The following SUCO variants were observed in gnomAD, a reference collection of about 807,000 sequenced individuals.
The protein encoded by SUCO is SUN domain-containing ossification factor.
A neutral mutation model predicts 148.1 loss-of-function variants in SUCO; 57 were observed. The ratio of observed to expected loss-of-function variants is 0.38; its 90% CI spans 0.31 to 0.48. The LOEUF (loss-of-function observed/expected upper bound fraction) is 0.48. Among genes scored for constraint, SUCO ranks in the 20% least tolerant of loss-of-function variants. The pLI is 0.96. For missense variants in SUCO, 1,331 were observed against 1,468.2 expected, an observed-to-expected ratio of 0.91 and a Z score of 1.53; for synonymous variants, 470 against 502.7, an observed-to-expected ratio of 0.93 and a Z score of 0.87.
chr1:172,554,824 A>G (rs1455132897), intron 3 of SUCO, among the ~76,000 whole-genome samples: 1 of 151,998 alleles, frequency 6.6e-6, no homozygotes, highest in Non-Finnish European at 1.5e-5. Context: ...ATTTGATAAT[A>G]AGGCAGTAGT....
intron 1 of SUCO, among the ~76,000 whole-genome samples, chr1:172,536,834 C>T (rs916237496): frequency 1.5e-4 from 23 of 152,280 alleles, no homozygotes; most frequent in African/African-American, 4.3e-4. Flanking sequence ...CACATCAGCA[C>T]TCCAACCCTT....
At chr1:172,570,875 A>C in intron 9 of SUCO, 145 bp downstream of exon 9, 1 of 546,150 alleles carries the variant, frequency 1.8e-6, no homozygotes, top group Non-Finnish European at 3.2e-6. Flanking sequence ...ACTGAGGACA[A>C]AATGCCTTCC....
At chr1:172,572,862 T>A (rs1468550137) in intron 9 of SUCO, among the ~76,000 whole-genome samples, 1 of 152,140 alleles carries the variant, frequency 6.6e-6, no homozygotes, top group East Asian at 1.9e-4. Context: ...GGCCATCCAG[T>A]GCTGTGTATA....
At chr1:172,603,950 C>T (rs555056191) in intron 22 of SUCO, among the ~76,000 whole-genome samples, 1 of 152,010 alleles carries the variant, frequency 6.6e-6, no homozygotes, top group East Asian at 1.9e-4. Context: ...TTTTGGTAAA[C>T]ACCTGTGCAT....
chr1:172,556,035 C>CA lies in SUCO; in HGVS notation c.443+18dup. The CA allele has an allele frequency of 1.3e-6, 2 of 1,590,612 alleles. No homozygotes were observed. The highest frequency in any genetic ancestry group is 2.3e-5 in the East Asian group (1 of 44,414). ...ATCTCAAAGCTTGAGTAAGTTGTTA[C>CA]AAAAAACAAACACAAAAAAGAATCT... On this transcript the variant is annotated intron_variant, in intron 4 of 23. Transcript: ENST00000263688.
chr1:172,574,555 T>G (rs1655288363), intron 10 of SUCO, among the ~76,000 whole-genome samples: 1 of 152,068 alleles, frequency 6.6e-6, no homozygotes, highest in African/African-American at 2.4e-5. Context: ...TTTTAATATA[T>G]TTCTTCCAGT....
At chr1:172,568,675 T>A (rs1207566822) in intron 6 of SUCO, among the ~76,000 whole-genome samples, 1 of 152,162 alleles carries the variant, frequency 6.6e-6, no homozygotes, top group Non-Finnish European at 1.5e-5. Context: ...AACTTATATT[T>A]TAAGGTGGAT....
intron 3 of SUCO, chr1:172,555,306 G>A (rs570973444): frequency 9.4e-6 from 7 of 744,882 alleles, no homozygotes; most frequent in South Asian, 6.1e-5. Context: ...GGTTGATCTT[G>A]GAGGAGGAGG....
chr1:172,533,927 C>G (rs1025666008), intron 1 of SUCO, among the ~76,000 whole-genome samples: 1 of 152,108 alleles, frequency 6.6e-6, no homozygotes, highest in East Asian at 1.9e-4. Context: ...GATTTTAAAA[C>G]GTGAGTGGTC....
intron 1 of SUCO, among the ~76,000 whole-genome samples, chr1:172,539,341 A>C (rs879932214): frequency 2.0e-5 from 3 of 152,186 alleles, no homozygotes; most frequent in Non-Finnish European, 4.4e-5. Flanking sequence ...ATTATACTTT[A>C]GTGCCAGTTG....
intron 14 of SUCO, 191 bp downstream of exon 14, chr1:172,578,580 C>T: frequency 1.1e-6 from 1 of 945,222 alleles, no homozygotes; most frequent in Non-Finnish European, 1.3e-6. Context: ...ATTCGTATTG[C>T]TTTCCAAGCT....
At chr1:172,562,745 A>G (rs141194134) in intron 6 of SUCO, among the ~76,000 whole-genome samples, 1 of 152,330 alleles carries the variant, frequency 6.6e-6, no homozygotes, top group Non-Finnish European at 1.5e-5. Flanking sequence ...CCTTGTCACG[A>G]CATAACACAG....
chr1:172,568,323 C>CAAAT, intron 6 of SUCO: 1 of 930,916 alleles, frequency 1.1e-6, no homozygotes, highest in Non-Finnish European at 1.3e-6. Flanking sequence ...ACCCCATCCC[C>CAAAT]TTATTTGATT....
intron 1 of SUCO, among the ~76,000 whole-genome samples, chr1:172,535,021 A>G (rs1294223923): frequency 6.6e-6 from 1 of 152,188 alleles, no homozygotes; most frequent in Non-Finnish European, 1.5e-5. Context: ...TGATTCTTAC[A>G]ATCATTTGTA....
intron 20 of SUCO, 151 bp from the exon 21 acceptor site, chr1:172,601,913 G>C: frequency 1.4e-6 from 1 of 691,074 alleles, no homozygotes; most frequent in Non-Finnish European, 2.1e-6. Context: ...TAATGTCATA[G>C]TTTATTTTCA....
At chr1:172,572,279 A>T (rs1346586066) in intron 9 of SUCO, among the ~76,000 whole-genome samples, 2 of 151,454 alleles carry the variant, frequency 1.3e-5, no homozygotes, top group Non-Finnish European at 2.9e-5. Flanking sequence ...CGGGGAAAGG[A>T]TTGAGAAATC....
intron 17 of SUCO, chr1:172,588,043 T>G: frequency 1.0e-6 from 1 of 972,710 alleles, no homozygotes; most frequent in South Asian, 4.8e-5. Context: ...TAGCATATCA[T>G]AAGCCAGAAT....
At chr1:172,607,470 G>T (rs1285950189) in intron 22 of SUCO, among the ~76,000 whole-genome samples, 1 of 151,532 alleles carries the variant, frequency 6.6e-6, no homozygotes, top group Non-Finnish European at 1.5e-5. Flanking sequence ...AACTTTGGGT[G>T]GGCCCTAGGA....
chr1:172,534,364 A>G (rs1323801588), intron 1 of SUCO, among the ~76,000 whole-genome samples: 1 of 152,182 alleles, frequency 6.6e-6, no homozygotes, highest in African/African-American at 2.4e-5. Context: ...GACTGAAAAG[A>G]TGCTTCTTCA....
Sources: allele counts gnomAD v4.1 joint callset (sites outside exome capture counted in the v4.1 genomes callset), GRCh38; gene constraint gnomAD v4.1.1; transcripts MANE v1.5; gene names NCBI Gene and HGNC (gene_info 2026-07-23, HGNC 2026-07-21).